Variants in ZMYND11 observed in about 807,000 individuals in gnomAD.
ZMYND11 encodes zinc finger MYND-type containing 11.
ZMYND11 carries 9 observed loss-of-function variants against 84.9 expected under a neutral mutation model. That is an observed-to-expected ratio of 0.11 (90% CI 0.06 to 0.18). ZMYND11 has a LOEUF of 0.18. Ranked by LOEUF, ZMYND11 falls within the 10% of genes least tolerant of loss-of-function variation. The probability of loss-of-function intolerance (pLI) is 1.00; values close to 1 mark genes in which losing one functional copy is unlikely to be tolerated. For missense variants in ZMYND11, 409 were observed against 761.0 expected (o/e 0.54, Z 5.44); for synonymous variants, 250 against 244.1 (o/e 1.02, Z -0.23).
chr10:187,576 G>A (rs1398613976), intron 2 of ZMYND11, among the ~76,000 whole-genome samples: 1 of 151,628 alleles, frequency 6.6e-6, no homozygotes, highest in African/African-American at 2.4e-5. Context: ...GGAGCTTGCA[G>A]TGAGCCGAGA....
chr10:187,506 C>T (rs1447403135), intron 2 of ZMYND11, among the ~76,000 whole-genome samples: 1 of 151,732 alleles, frequency 6.6e-6, no homozygotes, highest in Non-Finnish European at 1.5e-5. Context: ...CGGTGGCGGG[C>T]GCCTGTAGTC....
rs182357344 is a variant in ZMYND11, at chr10:235,763, A to T, written c.439-1075A>T. Among the ~76,000 whole-genome samples the T allele has an allele frequency of 3.0e-3, 456 of 152,318 alleles. No individual in the cohort carries two copies. In the Middle Eastern group the frequency reaches 0.031, roughly 10 times the overall value. ...TGCGTTGCCAGAGAACCTAGGTGAG[A>T]AGTGGGGTCAGGAAGGTGCAGTGCA... is the stretch of plus-strand genomic sequence containing the variant. On this transcript the variant is annotated intron_variant, in intron 4 of 14. Coordinates refer to ENST00000381604, the MANE Select transcript of ZMYND11 (RefSeq NM_001370100.5).
Position 252,623 on chromosome 10 carries a change from CTT to C in ZMYND11, c.*156_*157del, listed in dbSNP as rs1325355554. ...AGAAATTTTGCACAGTAGTTTAAAT[CTT>C]TTGTTAATGCTCCTCCGAAGTTTTT... On this transcript the variant is annotated 3_prime_UTR_variant, in exon 15 of 15. Coordinates refer to ENST00000381604, the MANE Select transcript of ZMYND11 (RefSeq NM_001370100.5). The surrounding 1 kb of genome is among the most constrained non-coding windows in gnomAD (Gnocchi z 4.6). The C allele has an allele frequency of 3.7e-6, 4 of 1,067,476 alleles. No homozygotes were observed. The highest frequency in any genetic ancestry group is 5.1e-6 in the Non-Finnish European group (4 of 789,356). The allele number at this position is 1,067,476 out of a possible 1,614,324, so 66.1% of individuals were successfully genotyped here.
At chr10:173,835 AAATT>A (rs1334631760) in intron 1 of ZMYND11, among the ~76,000 whole-genome samples, 4 of 152,336 alleles carry the variant, frequency 2.6e-5, no homozygotes, top group South Asian at 4.1e-4. Context: ...AGGGAATTAA[AAATT>A]AAAACATCAA....
intron 1 of ZMYND11, among the ~76,000 whole-genome samples, chr10:156,899 TCTC>T (rs1841843470): frequency 1.3e-5 from 2 of 152,232 alleles, no homozygotes; most frequent in Admixed American, 6.5e-5. Context: ...TAGGCACAGA[TCTC>T]CTCACTGGTA....
At chr10:206,928 G>A (rs1184238681) in intron 2 of ZMYND11, among the ~76,000 whole-genome samples, 1 of 151,938 alleles carries the variant, frequency 6.6e-6, no homozygotes, top group East Asian at 1.9e-4. Context: ...ATGCTGGTGT[G>A]CTGCACCCAT....
At chr10:208,429 C>T (rs930523117) in intron 2 of ZMYND11, among the ~76,000 whole-genome samples, 2 of 152,080 alleles carry the variant, frequency 1.3e-5, no homozygotes, top group Admixed American at 1.3e-4. Context: ...CTACAGTGAA[C>T]TCAAACAAAT....
At chr10:150,001 G>A (rs1588453326) in intron 1 of ZMYND11, among the ~76,000 whole-genome samples, 1 of 152,262 alleles carries the variant, frequency 6.6e-6, no homozygotes, top group East Asian at 1.9e-4. Flanking sequence ...ATGTGCTGCT[G>A]GATTCGGTTT....
At chr10:177,324 ATT>A (rs1554767169) in intron 1 of ZMYND11, among the ~76,000 whole-genome samples, 7 of 152,040 alleles carry the variant, frequency 4.6e-5, no homozygotes, top group Non-Finnish European at 4.4e-5. Context: ...TTTCCCTGGC[ATT>A]TTTTGCAATG....
intron 4 of ZMYND11, among the ~76,000 whole-genome samples, chr10:231,961 C>G (rs749768986): frequency 2.6e-5 from 4 of 152,104 alleles, no homozygotes; most frequent in Non-Finnish European, 4.4e-5. Flanking sequence ...CCAGGTGATA[C>G]GAACTCTGGA....
chr10:226,283 C>G (rs1410426709), intron 4 of ZMYND11, among the ~76,000 whole-genome samples: 1 of 152,124 alleles, frequency 6.6e-6, no homozygotes, highest in Non-Finnish European at 1.5e-5. Flanking sequence ...AGATTAGTGG[C>G]TATAATATCT....
At chr10:237,921 A>C (rs1049220505) in intron 6 of ZMYND11, among the ~76,000 whole-genome samples, 28 of 152,310 alleles carry the variant, frequency 1.8e-4, no homozygotes, top group Admixed American at 1.6e-3. Context: ...AAAGATGAGC[A>C]GCTTGTAGCT....
At chr10:200,267 TTATA>T (rs1031820840) in intron 2 of ZMYND11, among the ~76,000 whole-genome samples, 19 of 121,592 alleles carry the variant, frequency 1.6e-4, no homozygotes, top group Non-Finnish European at 3.3e-4. Context: ...AAATATATAA[TTATA>T]TATAATATAT....
At chr10:237,380 C>T (rs1009989341) in intron 5 of ZMYND11, among the ~76,000 whole-genome samples, 2 of 152,142 alleles carry the variant, frequency 1.3e-5, no homozygotes, top group Non-Finnish European at 2.9e-5. Flanking sequence ...CCGTGGCTCC[C>T]GCCTGTAATC....
chr10:156,199 A>G (rs1841682239), intron 1 of ZMYND11, among the ~76,000 whole-genome samples: 2 of 152,188 alleles, frequency 1.3e-5, no homozygotes, highest in African/African-American at 4.8e-5. Flanking sequence ...ACCAAGAACC[A>G]TTGGCCTCAA....
chr10:248,924 G>A lies in ZMYND11; in HGVS notation c.1522G>A (p.Glu508Lys). Residue 508 changes from glutamate to lysine, a missense_variant, in exon 14 of 15, where the codon GAA (glutamate) becomes AAA (lysine). This residue lies in a region of ZMYND11 where 141 missense variants were observed against 173.8 expected (regional missense o/e 0.81). Transcript: ENST00000381604. ...LEKLRSEMEE[E>K]KRQAVNKAVA... ...CCAGCTGCGTTCTGAAATGGAAGAA[G>A]AAAAGAGACAAGCTGTAAATAAAGC... is the stretch of plus-strand genomic sequence containing the variant. The A allele has an allele frequency of 6.2e-7, 1 of 1,613,044 alleles. No individual in the cohort carries two copies. The highest frequency in any genetic ancestry group is 8.5e-7 in the Non-Finnish European group (1 of 1,179,414).
chr10:141,314 G>A (rs1001436752), intron 1 of ZMYND11, among the ~76,000 whole-genome samples: 1 of 152,092 alleles, frequency 6.6e-6, no homozygotes, highest in Admixed American at 6.6e-5. Flanking sequence ...CTTAGATGCC[G>A]AGGCGAGCAA....
At chr10:200,828 G>A (rs1016044323) in intron 2 of ZMYND11, among the ~76,000 whole-genome samples, 4 of 151,944 alleles carry the variant, frequency 2.6e-5, no homozygotes, top group Admixed American at 6.6e-5. Context: ...TTTTAGTTTC[G>A]CATTTTTAGA....
At chr10:172,553 C>T (rs1845600749) in intron 1 of ZMYND11, among the ~76,000 whole-genome samples, 1 of 152,018 alleles carries the variant, frequency 6.6e-6, no homozygotes, top group African/African-American at 2.4e-5. Flanking sequence ...AAATTGTGGA[C>T]AAGATGTATA....
Sources: allele counts gnomAD v4.1 joint callset (sites outside exome capture counted in the v4.1 genomes callset), GRCh38; gene constraint gnomAD v4.1.1; regional missense constraint gnomAD v4.1.1; non-coding constraint Gnocchi (gnomAD v3.1); transcripts MANE v1.5; gene names NCBI Gene and HGNC (gene_info 2026-07-23, HGNC 2026-07-21).